Variants in LEF1 observed in about 807,000 individuals in gnomAD.
LEF1 encodes lymphoid enhancer binding factor 1.
Under a neutral mutation model 51.2 loss-of-function variants are expected in LEF1, and 14 were observed. The ratio of observed to expected loss-of-function variants is 0.27; its 90% CI spans 0.18 to 0.43. The LOEUF is 0.43. LEF1 is among the 20% of genes least tolerant of loss of function. The pLI, the probability that LEF1 is intolerant of heterozygous loss-of-function variation, is 1.00. For synonymous variants in LEF1, 185 were observed against 183.2 expected (o/e 1.01, Z -0.08); for missense variants, 386 against 512.0 (o/e 0.75, Z 2.37).
At chr4:108,078,509 GACC>G in intron 7 of LEF1, 127 bp from the exon 8 acceptor site, 1 of 1,160,492 alleles carries the variant, frequency 8.6e-7, no homozygotes, top group Non-Finnish European at 1.3e-6. Flanking sequence ...TCTCACCCCA[GACC>G]ACCACCAACT....
intron 3 of LEF1, among the ~76,000 whole-genome samples, chr4:108,115,846 TACACACACACACACACACAC>T (rs55839332): frequency 1.4e-5 from 2 of 139,274 alleles, no homozygotes; most frequent in African/African-American, 2.7e-5. Flanking sequence ...ATGTAACACA[TACACACACACACACACACAC>T]ACACACACAC....
rs77810131 is a variant in LEF1 at position 108,086,692 on chromosome 4, G to C, written c.547+2433C>G. On this transcript the variant is annotated intron_variant, in intron 4 of 11. Coordinates refer to ENST00000265165, the MANE Select transcript of LEF1 (RefSeq NM_016269.5). ...TATAAGTATTTGTTGTCATCTGTAA[G>C]GATAAAATGGGTAACACATAGATAA... 7.3e-3 allele frequency among the ~76,000 whole-genome samples: 1,118 copies of C among 152,246 alleles called. 39 individuals are homozygous for C. The highest frequency in any genetic ancestry group is 0.065 in the Admixed American group (996 of 15,298).
intron 2 of LEF1, 125 bp from the exon 3 acceptor site, chr4:108,163,826 T>C: frequency 1.1e-6 from 1 of 949,912 alleles, no homozygotes; most frequent in Non-Finnish European, 1.5e-6. Flanking sequence ...GTTTACAAAA[T>C]ACTGTAACTG....
At chr4:108,059,510 G>T (rs1414099214) in intron 11 of LEF1, among the ~76,000 whole-genome samples, 3 of 152,094 alleles carry the variant, frequency 2.0e-5, no homozygotes, top group Non-Finnish European at 2.9e-5. Context: ...TACAGACATA[G>T]TTTTGCCATG....
intron 3 of LEF1, among the ~76,000 whole-genome samples, chr4:108,162,357 C>T (rs1000523927): frequency 6.6e-6 from 1 of 152,066 alleles, no homozygotes; most frequent in African/African-American, 2.4e-5. Context: ...TTGCAGTGCT[C>T]AAAGTGATCA....
chr4:108,057,458 A>G (rs1300151265), intron 11 of LEF1, among the ~76,000 whole-genome samples: 1 of 152,150 alleles, frequency 6.6e-6, no homozygotes, highest in Non-Finnish European at 1.5e-5. Flanking sequence ...AATCATAGGA[A>G]ATAAATATTT....
chr4:108,062,353 C>T (rs1029858103), intron 11 of LEF1, among the ~76,000 whole-genome samples: 1 of 152,190 alleles, frequency 6.6e-6, no homozygotes, highest in Non-Finnish European at 1.5e-5. Flanking sequence ...CTATCCAGTC[C>T]TCTGTAGAGG....
chr4:108,107,217 T>C (rs867292857), intron 3 of LEF1, among the ~76,000 whole-genome samples: 24 of 152,252 alleles, frequency 1.6e-4, no homozygotes, highest in Admixed American at 5.2e-4. Flanking sequence ...GTCAATGACC[T>C]TTGCAGGCAA....
At chr4:108,163,517 A>T (rs1229829117) in intron 3 of LEF1, 51 bp downstream of exon 3, 1 of 1,584,790 alleles carries the variant, frequency 6.3e-7, no homozygotes, top group Admixed American at 1.8e-5. Context: ...GCCAAAATAC[A>T]AATCAATTTG....
chr4:108,115,846 TAC>T (rs55839332), intron 3 of LEF1, among the ~76,000 whole-genome samples: 9,341 of 139,136 alleles, frequency 0.067, 353 homozygotes, highest in African/African-American at 0.095. Flanking sequence ...ATGTAACACA[TAC>T]ACACACACAC....
chr4:108,059,086 C>A (rs1019557016), intron 11 of LEF1, among the ~76,000 whole-genome samples: 1 of 152,196 alleles, frequency 6.6e-6, no homozygotes, highest in African/African-American at 2.4e-5. Context: ...CTAAAAGTTT[C>A]CCCACAGTGT....
At chr4:108,119,070 A>G (rs1432373104) in intron 3 of LEF1, among the ~76,000 whole-genome samples, 1 of 151,538 alleles carries the variant, frequency 6.6e-6, no homozygotes, top group African/African-American at 2.4e-5. Context: ...CATGAAAATA[A>G]GATTTTTTAA....
intron 3 of LEF1, among the ~76,000 whole-genome samples, chr4:108,140,076 C>A (rs531454447): frequency 6.6e-6 from 1 of 152,272 alleles, no homozygotes; most frequent in South Asian, 2.1e-4. Context: ...TACACACACA[C>A]ACACTCCCCT....
At chr4:108,060,203 C>T (rs1012594795) in intron 11 of LEF1, among the ~76,000 whole-genome samples, 5 of 151,994 alleles carry the variant, frequency 3.3e-5, no homozygotes, top group Non-Finnish European at 7.4e-5. Flanking sequence ...GAAGAACATC[C>T]CCATCATGTA....
chr4:108,151,748 A>T (rs769790890), intron 3 of LEF1, among the ~76,000 whole-genome samples: 1 of 152,136 alleles, frequency 6.6e-6, no homozygotes, highest in Non-Finnish European at 1.5e-5. Flanking sequence ...AAAACTAATA[A>T]CTAACGTCTA....
chr4:108,128,415 T>C (rs1205168617), intron 3 of LEF1, among the ~76,000 whole-genome samples: 1 of 151,956 alleles, frequency 6.6e-6, no homozygotes, highest in African/African-American at 2.4e-5. Flanking sequence ...TTAAAAAAAC[T>C]TCATAAAAGC....
chr4:108,090,074 G>A (rs376760554), intron 3 of LEF1, among the ~76,000 whole-genome samples: 7 of 151,876 alleles, frequency 4.6e-5, no homozygotes, highest in Admixed American at 3.3e-4. Context: ...TCCACCTTCC[G>A]GGTTCAAGTG....
intron 3 of LEF1, among the ~76,000 whole-genome samples, chr4:108,158,366 T>C (rs968269584): frequency 6.6e-6 from 1 of 151,792 alleles, no homozygotes; most frequent in African/African-American, 2.4e-5. Flanking sequence ...GCACAAACAC[T>C]TAAGCAACAG....
intron 7 of LEF1, among the ~76,000 whole-genome samples, chr4:108,078,914 C>T (rs1231262812): frequency 6.6e-6 from 1 of 152,016 alleles, no homozygotes; most frequent in Non-Finnish European, 1.5e-5. Context: ...CCATCACATG[C>T]TGCCTCTCAC....
Sources: gnomAD v4.1 joint callset for allele counts (sites outside exome capture counted in the v4.1 genomes callset) on GRCh38, gnomAD v4.1.1 for gene constraint, MANE v1.5 for transcripts, NCBI Gene and HGNC (gene_info 2026-07-23, HGNC 2026-07-21) for gene names.